Variants in CCDC91 observed in about 807,000 individuals in gnomAD.
CCDC91 encodes the protein coiled-coil domain containing 91, also known as coiled-coil domain-containing protein 91.
A neutral mutation model predicts 63.2 loss-of-function variants in CCDC91; 48 were observed. The ratio of observed to expected loss-of-function variants is 0.76; its 90% CI spans 0.60 to 0.97. The LOEUF (loss-of-function observed/expected upper bound fraction) is 0.97. Among genes scored for constraint, CCDC91 ranks in the 50% least tolerant of loss-of-function variants. The pLI, the probability that CCDC91 is intolerant of heterozygous loss-of-function variation, is 0.00. For synonymous variants in CCDC91, 167 were observed against 165.8 expected (o/e 1.01, Z -0.06); for missense variants, 500 against 494.6 (o/e 1.01, Z -0.10).
chr12:28,407,640 G>A (rs1947035358), intron 8 of CCDC91, among the ~76,000 whole-genome samples: 1 of 152,168 alleles, frequency 6.6e-6, no homozygotes, highest in Non-Finnish European at 1.5e-5. Flanking sequence ...AACAAGGCCT[G>A]TTGGTATGTT....
At chr12:28,499,083 A>G (rs1952472881) in intron 12 of CCDC91, among the ~76,000 whole-genome samples, 2 of 151,602 alleles carry the variant, frequency 1.3e-5, no homozygotes, top group South Asian at 4.1e-4. Flanking sequence ...ATTTGTTTCT[A>G]GCATAGGGGA....
intron 12 of CCDC91, among the ~76,000 whole-genome samples, chr12:28,501,492 T>C (rs563974438): frequency 1.3e-3 from 191 of 152,154 alleles, no homozygotes; most frequent in Non-Finnish European, 2.0e-3. Flanking sequence ...TGGTTCTGTT[T>C]AAATGCTGGA....
chr12:28,254,897 A>G (rs531093760), intron 1 of CCDC91, among the ~76,000 whole-genome samples: 5 of 151,412 alleles, frequency 3.3e-5, no homozygotes, highest in African/African-American at 1.2e-4. Context: ...TCAGCCCCAC[A>G]AGTAGCTGGG....
intron 11 of CCDC91, 77 bp from the exon 12 acceptor site, chr12:28,483,975 G>C: frequency 1.3e-6 from 1 of 757,678 alleles, no homozygotes. Context: ...TGAAGAGGAT[G>C]TTTAGTTTAT....
At chr12:28,282,354 A>T (rs1302850765) in intron 3 of CCDC91, among the ~76,000 whole-genome samples, 1 of 152,162 alleles carries the variant, frequency 6.6e-6, no homozygotes, top group African/African-American at 2.4e-5. Flanking sequence ...AAGTGAGAAC[A>T]TGTAGTATTT....
intron 12 of CCDC91, among the ~76,000 whole-genome samples, chr12:28,502,332 A>G (rs1164277301): frequency 6.6e-6 from 1 of 152,026 alleles, no homozygotes; most frequent in African/African-American, 2.4e-5. Flanking sequence ...CCCATTCACA[A>G]TTTCTTCAAA....
chr12:28,372,460 T>C (rs1468162527), intron 7 of CCDC91, among the ~76,000 whole-genome samples: 1 of 152,158 alleles, frequency 6.6e-6, no homozygotes, highest in Non-Finnish European at 1.5e-5. Flanking sequence ...AGTCCATGAT[T>C]ATGAGATGTA....
intron 11 of CCDC91, among the ~76,000 whole-genome samples, chr12:28,481,674 T>G (rs891821404): frequency 6.6e-6 from 1 of 151,990 alleles, no homozygotes; most frequent in African/African-American, 2.4e-5. Context: ...AACTTTACTT[T>G]TATATAACAT....
intron 1 of CCDC91, among the ~76,000 whole-genome samples, chr12:28,225,302 G>A (rs999629329): frequency 3.3e-5 from 5 of 152,098 alleles, no homozygotes; most frequent in Admixed American, 2.6e-4. Flanking sequence ...ATTTTAGGAA[G>A]GAAATTGTAT....
chr12:28,500,886 A>T (rs912040108), intron 12 of CCDC91, among the ~76,000 whole-genome samples: 2 of 151,700 alleles, frequency 1.3e-5, no homozygotes, highest in Admixed American at 1.3e-4. Context: ...TTAGAGTCTG[A>T]TAAGTGTATG....
chr12:28,293,962 A>G (rs1949400754), intron 3 of CCDC91, among the ~76,000 whole-genome samples: 1 of 152,110 alleles, frequency 6.6e-6, no homozygotes, highest in Non-Finnish European at 1.5e-5. Flanking sequence ...CACACGCCCA[A>G]AATCTTAACA....
At chr12:28,492,771 T>TAAAACTATG (rs954162652) in intron 12 of CCDC91, among the ~76,000 whole-genome samples, 29 of 151,834 alleles carry the variant, frequency 1.9e-4, no homozygotes, top group African/African-American at 5.5e-4. Context: ...ACTTTAACTA[T>TAAAACTATG]AAAACTATGT....
At chr12:28,301,556 T>C (rs1049050145) in intron 3 of CCDC91, among the ~76,000 whole-genome samples, 1 of 151,686 alleles carries the variant, frequency 6.6e-6, no homozygotes, top group African/African-American at 2.4e-5. Context: ...TTATAAGGTG[T>C]TACTATTAAT....
intron 6 of CCDC91, among the ~76,000 whole-genome samples, chr12:28,340,107 C>T (rs1942306296): frequency 2.6e-5 from 4 of 152,004 alleles, no homozygotes; most frequent in African/African-American, 7.2e-5. Flanking sequence ...TTGATATTTA[C>T]CATATTAGAA....
In CCDC91 at chr12:28,259,462, A is replaced by AG; in HGVS notation, c.109+23dup. ...CTGCAGGTATTGGTATCCAGGAATTAGGGTTTTTTTTTTTTTTTTTCCCAT... is the reference window on the plus strand; with the variant it reads ...CTGCAGGTATTGGTATCCAGGAATTAGGGGTTTTTTTTTTTTTTTTTCCCAT... On this transcript the variant is annotated intron_variant, in intron 3 of 12. Transcript: ENST00000536442. 9.4e-7 allele frequency: 1 copy of AG among 1,060,864 alleles called. No individual in the cohort carries two copies. Among genetic ancestry groups the AG allele is most frequent in the Non-Finnish European group, 1.4e-6 (1 of 729,728 alleles). The allele number at this position is 1,060,864 out of a possible 1,614,324, so 65.7% of individuals were successfully genotyped here.
intron 6 of CCDC91, among the ~76,000 whole-genome samples, chr12:28,318,288 G>A (rs1940113281): frequency 6.6e-6 from 1 of 151,696 alleles, no homozygotes; most frequent in South Asian, 2.1e-4. Flanking sequence ...TTGGGAGGCT[G>A]TGGCAGGAGG....
intron 3 of CCDC91, among the ~76,000 whole-genome samples, chr12:28,280,726 C>A (rs1948549146): frequency 6.6e-6 from 1 of 151,724 alleles, no homozygotes; most frequent in East Asian, 1.9e-4. Flanking sequence ...TACTTGTAAT[C>A]TCAGCACTTT....
chr12:28,462,903 T>A (rs1950376034), intron 11 of CCDC91, among the ~76,000 whole-genome samples: 1 of 152,118 alleles, frequency 6.6e-6, no homozygotes, highest in South Asian at 2.1e-4. Context: ...CTAGAGATGA[T>A]GATACTTAAA....
At position 28,409,006 on chromosome 12, in the gene CCDC91, T is replaced by C. The variant is rs536198596; in HGVS notation, c.762+17595T>C. Among the ~76,000 whole-genome samples the C allele has an allele frequency of 3.3e-5, 5 of 152,330 alleles. No individual in the cohort carries two copies. In the East Asian group the frequency reaches 7.7e-4, roughly 24 times the overall value. ...TTAGCAGCATTTTTTGTAGGGTTTA[T>C]AGAATTTTCTACATAGATATGTTTT... On this transcript the variant is annotated intron_variant, in intron 8 of 12. Transcript: ENST00000536442.
Sources: gnomAD v4.1 joint callset for allele counts (sites outside exome capture counted in the v4.1 genomes callset) on GRCh38, gnomAD v4.1.1 for gene constraint, MANE v1.5 for transcripts, NCBI Gene and HGNC (gene_info 2026-07-23, HGNC 2026-07-21) for gene names.